Variants in CNGB3 observed in about 807,000 individuals in gnomAD.
CNGB3 encodes cyclic nucleotide-gated channel beta-3.
A neutral mutation model predicts 92.8 loss-of-function variants in CNGB3; 86 were observed. That is an observed-to-expected ratio of 0.93 (90% CI 0.78 to 1.11). The LOEUF (loss-of-function observed/expected upper bound fraction) is 1.11. Among genes scored for constraint, CNGB3 ranks in the 50% least tolerant of loss-of-function variants. The probability of loss-of-function intolerance (pLI) is 0.00; values close to 1 mark genes in which losing one functional copy is unlikely to be tolerated. For missense variants in CNGB3, 1,026 were observed against 956.8 expected, an observed-to-expected ratio of 1.07 and a Z score of -0.95; for synonymous variants, 333 against 332.7, an observed-to-expected ratio of 1.00 and a Z score of -0.01.
At chr8:86,608,656 G>C (rs952481029) in intron 14 of CNGB3, among the ~76,000 whole-genome samples, 7 of 152,202 alleles carry the variant, frequency 4.6e-5, no homozygotes, top group African/African-American at 1.7e-4. Context: ...CTAAATAGCA[G>C]TAGTAAATTA....
At chr8:86,629,162 A>G (rs756688508) in intron 11 of CNGB3, 84 bp from the exon 12 acceptor site, 1 of 1,400,690 alleles carries the variant, frequency 7.1e-7, no homozygotes, top group Non-Finnish European at 1.0e-6. Flanking sequence ...CACATGATAT[A>G]CTTCCTTCTA....
chr8:86,739,069 A>G (rs1011193767), intron 2 of CNGB3, among the ~76,000 whole-genome samples: 29 of 152,178 alleles, frequency 1.9e-4, no homozygotes, highest in Non-Finnish European at 3.7e-4. Context: ...TTTGTAATGC[A>G]GTAGAATATA....
chr8:86,679,607 C>A lies in CNGB3; in HGVS notation c.339-8509G>T, dbSNP rs544779411. On this transcript the variant is annotated intron_variant, in intron 3 of 17. Transcript: ENST00000320005. Reference sequence around the variant, plus strand: ...GTGGCACAATCTTGGCTCACTGCAACCTTTGCCTCCTGGATTCGAGCAATT... The same window carrying A: ...GTGGCACAATCTTGGCTCACTGCAAACTTTGCCTCCTGGATTCGAGCAATT... 3.9e-4 allele frequency among the ~76,000 whole-genome samples: 59 copies of A among 152,094 alleles called. No individual in the cohort carries two copies. The South Asian group carries it at 0.011, about 28-fold the overall frequency.
chr8:86,618,254 G>A (rs768754067), intron 13 of CNGB3, among the ~76,000 whole-genome samples: 7 of 152,144 alleles, frequency 4.6e-5, no homozygotes, highest in Non-Finnish European at 8.8e-5. Flanking sequence ...TTTGCTGCCC[G>A]GTTCCCAACA....
At chr8:86,684,244 G>A (rs984684759) in intron 3 of CNGB3, among the ~76,000 whole-genome samples, 1 of 152,038 alleles carries the variant, frequency 6.6e-6, no homozygotes, top group Non-Finnish European at 1.5e-5. Context: ...TAAATGAAAA[G>A]GTGTCTCGCA....
At chr8:86,623,722 T>A (rs1296641522) in intron 13 of CNGB3, among the ~76,000 whole-genome samples, 1 of 152,122 alleles carries the variant, frequency 6.6e-6, no homozygotes, top group African/African-American at 2.4e-5. Flanking sequence ...AGAGTTGGTT[T>A]CCAGCCCACC....
At chr8:86,599,489 G>A (rs776104930) in intron 15 of CNGB3, among the ~76,000 whole-genome samples, 1 of 152,210 alleles carries the variant, frequency 6.6e-6, no homozygotes, top group African/African-American at 2.4e-5. Context: ...AGTGGGCCGG[G>A]TGGAACAGAG....
chr8:86,597,000 G>A (rs1251669653), intron 15 of CNGB3, among the ~76,000 whole-genome samples: 1 of 151,826 alleles, frequency 6.6e-6, no homozygotes, highest in Non-Finnish European at 1.5e-5. Flanking sequence ...GACAGGGAGG[G>A]GAACATCATA....
chr8:86,593,788 C>A, intron 15 of CNGB3: 1 of 1,334,202 alleles, frequency 7.5e-7, no homozygotes, highest in East Asian at 2.5e-5. Context: ...CAATGAGCCC[C>A]TGGTAGTAGG....
At chr8:86,683,664 C>T (rs1824126069) in intron 3 of CNGB3, among the ~76,000 whole-genome samples, 1 of 152,076 alleles carries the variant, frequency 6.6e-6, no homozygotes, top group Non-Finnish European at 1.5e-5. Flanking sequence ...AGGGACAGAC[C>T]TGCAGGATAT....
chr8:86,725,893 A>G (rs7845559), intron 3 of CNGB3, among the ~76,000 whole-genome samples: 83,365 of 151,892 alleles, frequency 0.55, 23,126 homozygotes, highest in South Asian at 0.73. Context: ...CTGGATCGGC[A>G]GGTACATAAT....
intron 12 of CNGB3, among the ~76,000 whole-genome samples, chr8:86,628,524 G>T (rs569455478): frequency 6.6e-6 from 1 of 152,246 alleles, no homozygotes; most frequent in East Asian, 1.9e-4. Context: ...AGAGATGCGG[G>T]TCTGAGTTCT....
At chr8:86,603,036 G>C (rs980490154) in intron 15 of CNGB3, among the ~76,000 whole-genome samples, 4 of 152,060 alleles carry the variant, frequency 2.6e-5, no homozygotes, top group Non-Finnish European at 2.9e-5. Flanking sequence ...TGGTAATCAG[G>C]CTCTTCACCC....
intron 3 of CNGB3, among the ~76,000 whole-genome samples, chr8:86,710,674 G>T (rs576052082): frequency 6.6e-6 from 1 of 152,116 alleles, no homozygotes; most frequent in Non-Finnish European, 1.5e-5. Context: ...CTATTACCAC[G>T]GAAGACTGCT....
Position 86,627,829 on chromosome 8 carries a change from C to T in CNGB3, c.1480+1090G>A, listed in dbSNP as rs371679512. Reference sequence around the variant, plus strand: ...TAGTACAGTTGACCCTTGAACAACACGTGTTTGAACTACACAGGTCCACTT... The same window carrying T: ...TAGTACAGTTGACCCTTGAACAACATGTGTTTGAACTACACAGGTCCACTT... On this transcript the variant is annotated intron_variant, in intron 12 of 17. Coordinates refer to ENST00000320005, the MANE Select transcript of CNGB3 (RefSeq NM_019098.5). Among the ~76,000 whole-genome samples, 29 of 152,224 alleles carry T rather than the reference C, an allele frequency of 1.9e-4. 1 individual carries two copies. The East Asian group carries it at 3.5e-3, about 18-fold the overall frequency.
chr8:86,660,821 A>AAT, intron 6 of CNGB3: 2 of 461,230 alleles, frequency 4.3e-6, no homozygotes, highest in Non-Finnish European at 9.0e-6. Context: ...TATGAATACC[A>AAT]ATACTAATAA....
At chr8:86,663,104 G>C (rs1238970395) in intron 6 of CNGB3, among the ~76,000 whole-genome samples, 8 of 152,148 alleles carry the variant, frequency 5.3e-5, no homozygotes, top group African/African-American at 1.4e-4. Context: ...TAAAGTGTAG[G>C]AAACACAGAG....
At chr8:86,606,841 A>G (rs1295709364) in intron 14 of CNGB3, among the ~76,000 whole-genome samples, 1 of 152,232 alleles carries the variant, frequency 6.6e-6, no homozygotes, top group Non-Finnish European at 1.5e-5. Context: ...AGCAGCACCT[A>G]TGTCATCTGA....
At chr8:86,676,381 G>A (rs1415885970) in intron 3 of CNGB3, among the ~76,000 whole-genome samples, 2 of 152,128 alleles carry the variant, frequency 1.3e-5, no homozygotes, top group Non-Finnish European at 2.9e-5. Flanking sequence ...TAGAAAAGGG[G>A]TGTTCATCGC....
Sources: gnomAD v4.1 joint callset for allele counts (sites outside exome capture counted in the v4.1 genomes callset) on GRCh38, gnomAD v4.1.1 for gene constraint, MANE v1.5 for transcripts, NCBI Gene and HGNC (gene_info 2026-07-23, HGNC 2026-07-21) for gene names.